The following EFCAB8 variants were observed in gnomAD, a reference collection of about 807,000 sequenced individuals.
EFCAB8 encodes EF-hand calcium binding domain 8, also known as EF-hand calcium-binding domain-containing protein 8.
A neutral mutation model predicts 116.3 loss-of-function variants in EFCAB8; 100 were observed. The observed-to-expected ratio is 0.86, with a 90% confidence interval of 0.73 to 1.02. EFCAB8 has a LOEUF of 1.02. Among genes scored for constraint, EFCAB8 ranks in the 50% least tolerant of loss-of-function variants. The pLI, the probability that EFCAB8 is intolerant of heterozygous loss-of-function variation, is 0.00. For missense variants in EFCAB8, 1,320 were observed against 1,416.9 expected, an observed-to-expected ratio of 0.93 and a Z score of 1.10; for synonymous variants, 558 against 567.9, an observed-to-expected ratio of 0.98 and a Z score of 0.25.
intron 17 of EFCAB8, chr20:32,917,094 AG>A (rs1310533476): frequency 5.2e-6 from 3 of 575,496 alleles, no homozygotes. Flanking sequence ...GTTTATGTAA[AG>A]CCCCTACAAC....
At chr20:32,871,142 G>A (rs953389848) in intron 3 of EFCAB8, among the ~76,000 whole-genome samples, 5 of 151,976 alleles carry the variant, frequency 3.3e-5, no homozygotes, top group Admixed American at 6.6e-5. Context: ...GTGAGCCACC[G>A]TGCCCGGCCC....
chr20:32,908,950 A>G (rs1018085280), intron 14 of EFCAB8, among the ~76,000 whole-genome samples: 1 of 152,212 alleles, frequency 6.6e-6, no homozygotes, highest in African/African-American at 2.4e-5. Flanking sequence ...CCTGGAGGAC[A>G]GGAAAGATTG....
intron 2 of EFCAB8, among the ~76,000 whole-genome samples, chr20:32,865,611 A>C (rs1256422675): frequency 2.0e-5 from 3 of 151,960 alleles, no homozygotes; most frequent in Non-Finnish European, 4.4e-5. Context: ...CAGCCTGGTC[A>C]ACATGGTGAA....
At chr20:32,868,018 T>C (rs1262750496) in intron 3 of EFCAB8, among the ~76,000 whole-genome samples, 2 of 151,986 alleles carry the variant, frequency 1.3e-5, no homozygotes, top group Non-Finnish European at 1.5e-5. Flanking sequence ...AATTTTTCTT[T>C]TTTTTTTAGA....
At chr20:32,883,644 A>G (rs1196707483) in intron 5 of EFCAB8, among the ~76,000 whole-genome samples, 1 of 152,044 alleles carries the variant, frequency 6.6e-6, no homozygotes, top group African/African-American at 2.4e-5. Flanking sequence ...ATAACTGTAC[A>G]TTTTGGCATG....
intron 26 of EFCAB8, 71 bp from the exon 27 acceptor site, chr20:32,961,065 C>G: frequency 7.4e-7 from 1 of 1,359,024 alleles, no homozygotes; most frequent in Non-Finnish European, 1.0e-6. Context: ...TCCTGTGAGT[C>G]TACTCTTGAT....
At position 32,896,736 on chromosome 20, in the gene EFCAB8, A is replaced by G. The variant is rs186361042; in HGVS notation, c.957+209A>G. The stretch of plus-strand genomic sequence containing the variant: ...TGGCCATGCCCCTCTCACTACCGCC[A>G]TTGCTAAGCCCTGGTCCTGGCCGAC... On this transcript the variant is annotated intron_variant, in intron 10 of 26. Transcript: ENST00000400522. Among the ~76,000 whole-genome samples the G allele has an allele frequency of 2.5e-3, 374 of 152,236 alleles. 1 individual carries two copies. Among genetic ancestry groups the G allele is most frequent in the Non-Finnish European group, 4.0e-3 (271 of 68,016 alleles).
intron 23 of EFCAB8, among the ~76,000 whole-genome samples, chr20:32,945,931 G>T (rs1988582909): frequency 6.6e-6 from 1 of 152,148 alleles, no homozygotes; most frequent in Non-Finnish European, 1.5e-5. Context: ...CTCTAGAGCG[G>T]CTACAAGCTT....
chr20:32,956,657 G>A (rs1988972516), intron 23 of EFCAB8, among the ~76,000 whole-genome samples: 1 of 152,134 alleles, frequency 6.6e-6, no homozygotes, highest in Non-Finnish European at 1.5e-5. Flanking sequence ...TCAGTTGCAA[G>A]TTGCTTCTTT....
At chr20:32,886,204 G>A (rs559160750) in intron 6 of EFCAB8, among the ~76,000 whole-genome samples, 55 of 152,326 alleles carry the variant, frequency 3.6e-4, no homozygotes, top group African/African-American at 1.3e-3. Flanking sequence ...GCTAGTTACA[G>A]TGCTTCTTTA....
At chr20:32,928,072 C>A (rs928523560) in intron 20 of EFCAB8, among the ~76,000 whole-genome samples, 4 of 152,208 alleles carry the variant, frequency 2.6e-5, no homozygotes, top group African/African-American at 9.6e-5. Context: ...CAAGTGGAAT[C>A]ATATGTTTGT....
intron 22 of EFCAB8, among the ~76,000 whole-genome samples, chr20:32,934,661 G>T (rs961965993): frequency 3.3e-5 from 5 of 152,094 alleles, no homozygotes; most frequent in Non-Finnish European, 7.4e-5. Context: ...GAATCGTGGG[G>T]GTGGGTTTTT....
Position 32,884,072 on chromosome 20 carries a change from G to A in EFCAB8, c.432-1433G>A, listed in dbSNP as rs146471590. Among the ~76,000 whole-genome samples, 4 of 152,240 alleles carry A rather than the reference G, an allele frequency of 2.6e-5. No homozygotes were observed. In the East Asian group the frequency reaches 5.8e-4, roughly 22 times the overall value. ...TTTCTTTGGGCCATTTAGATCTCAA[G>A]GGTGTTTAAAGGTCCTGAAACAGAA... On this transcript the variant is annotated intron_variant, in intron 5 of 26. Transcript: ENST00000400522.
chr20:32,921,361 TTGTGTG>T (rs71858676), intron 20 of EFCAB8, among the ~76,000 whole-genome samples: 77 of 129,276 alleles, frequency 6.0e-4, no homozygotes, highest in South Asian at 9.1e-4. Flanking sequence ...CCCAGCTATT[TTGTGTG>T]TGTGTGTGTG....
chr20:32,876,056 G>A lies in EFCAB8; in HGVS notation c.327+12G>A. ...GCTTTGTCACCTGGGTGAGGAGGGT[G>A]CCCCTGCTTCCTCAGGTGCTGGAGG... On this transcript the variant is annotated intron_variant, in intron 4 of 26. Coordinates refer to ENST00000400522, the MANE Select transcript of EFCAB8 (RefSeq NM_001143967.2). The A allele has an allele frequency of 6.5e-7, 1 of 1,550,268 alleles. No individual in the cohort carries two copies. The highest frequency in any genetic ancestry group is 8.7e-7 in the Non-Finnish European group (1 of 1,145,922).
intron 5 of EFCAB8, among the ~76,000 whole-genome samples, chr20:32,882,758 C>T (rs1230449392): frequency 1.3e-5 from 2 of 151,614 alleles, no homozygotes; most frequent in Non-Finnish European, 2.9e-5. Context: ...TGCAGTGGTG[C>T]AATCTCGGCT....
intron 1 of EFCAB8, among the ~76,000 whole-genome samples, chr20:32,863,573 G>T (rs1415840755): frequency 6.6e-6 from 1 of 152,162 alleles, no homozygotes; most frequent in Non-Finnish European, 1.5e-5. Context: ...AAAGGCTCAA[G>T]TGCAAGCTTG....
intron 2 of EFCAB8, among the ~76,000 whole-genome samples, chr20:32,865,326 A>C (rs1984333531): frequency 6.6e-6 from 1 of 151,938 alleles, no homozygotes; most frequent in African/African-American, 2.4e-5. Flanking sequence ...GACACACGTG[A>C]GTAAGCACCG....
At chr20:32,935,192 CTTTTTT>C (rs753039647) in intron 22 of EFCAB8, among the ~76,000 whole-genome samples, 20 of 34,048 alleles carry the variant, frequency 5.9e-4, no homozygotes, top group Middle Eastern at 0.022. Context: ...TTCTTTCTTT[CTTTTTT>C]TTTTTTTTTT....
Sources: allele counts gnomAD v4.1 joint callset (sites outside exome capture counted in the v4.1 genomes callset), GRCh38; gene constraint gnomAD v4.1.1; transcripts MANE v1.5; gene names NCBI Gene and HGNC (gene_info 2026-07-23, HGNC 2026-07-21).